The following FAF2 variants were observed in gnomAD, a reference collection of about 807,000 sequenced individuals.
FAF2 encodes Fas associated factor family member 2, also known as FAS-associated factor 2.
FAF2 carries 9 observed loss-of-function variants against 62.3 expected under a neutral mutation model. The ratio of observed to expected loss-of-function variants is 0.14; its 90% CI spans 0.09 to 0.25. The LOEUF (loss-of-function observed/expected upper bound fraction) is 0.25. Among genes scored for constraint, FAF2 ranks in the 10% least tolerant of loss-of-function variants. FAF2 has a pLI of 1.00. For missense variants in FAF2, 368 were observed against 556.2 expected (o/e 0.66, Z 3.40); for synonymous variants, 202 against 198.0 (o/e 1.02, Z -0.17).
In FAF2 at chr5:176,448,461, G is replaced by A; in HGVS notation, c.54G>A (p.Leu18=). ...DLTQEQTEKL[L]QFQDLTGIES... is the part of the protein sequence containing the mutation. ...CCCAGGAGCAGACAGAGAAGCTGCT[G>A]CAGTTTCAGGTAGCAGCGAGTACTC... The change falls in exon 1 of 11, where the codon CTG becomes CTA. Residue 18 remains leucine, a synonymous_variant. Transcript: ENST00000261942. 1 of 1,600,800 alleles carries A rather than the reference G, an allele frequency of 6.2e-7. No homozygotes were observed. The highest frequency in any genetic ancestry group is 8.5e-7 in the Non-Finnish European group (1 of 1,174,068).
chr5:176,492,147 C>T (rs1326497990), intron 4 of FAF2, 47 bp from the exon 5 acceptor site: 2 of 1,611,856 alleles, frequency 1.2e-6, no homozygotes, highest in African/African-American at 1.3e-5. Flanking sequence ...ACTCGATATG[C>T]ACTGTAGTAA....
chr5:176,506,192 C>CAAA (rs1166725144), intron 10 of FAF2, among the ~76,000 whole-genome samples: 4 of 64,782 alleles, frequency 6.2e-5, no homozygotes, highest in African/African-American at 1.4e-4. Flanking sequence ...GAGACTCTCT[C>CAAA]AAAAAAAAAA....
chr5:176,506,723 T>A, intron 10 of FAF2, 45 bp from the exon 11 acceptor site: 1 of 1,543,856 alleles, frequency 6.5e-7, no homozygotes, highest in Non-Finnish European at 8.9e-7. Context: ...GTGTGTGTAT[T>A]TCTGTTTTTC....
intron 7 of FAF2, among the ~76,000 whole-genome samples, chr5:176,495,509 AAT>A (rs976905725): frequency 4.5e-5 from 4 of 88,714 alleles, no homozygotes; most frequent in African/African-American, 1.6e-4. Context: ...TTTGGACACC[AAT>A]TTTTTTTTTT....
intron 2 of FAF2, among the ~76,000 whole-genome samples, chr5:176,481,894 T>A (rs1186568804): frequency 1.3e-5 from 2 of 152,150 alleles, no homozygotes; most frequent in Non-Finnish European, 2.9e-5. Flanking sequence ...CTTTGCTGAG[T>A]CATATGGTGA....
chr5:176,483,839 G>A (rs2113735596), intron 2 of FAF2, among the ~76,000 whole-genome samples: 1 of 152,326 alleles, frequency 6.6e-6, no homozygotes, highest in Non-Finnish European at 1.5e-5. Flanking sequence ...CCCTTTCGGA[G>A]GCCAAGGTGG....
At position 176,507,037 on chromosome 5, in the gene FAF2, A is replaced by G. The variant is rs1469684853; in HGVS notation, c.*87A>G. Reference sequence around the variant, plus strand: ...CAACAGCAAGTCAGAAAAAAAAAACAAGAGAGAGAAATTCATATTATTATT... The same window carrying G: ...CAACAGCAAGTCAGAAAAAAAAAACGAGAGAGAGAAATTCATATTATTATT... On this transcript the variant is annotated 3_prime_UTR_variant, in exon 11 of 11. Transcript: ENST00000261942. 7.2e-6 allele frequency: 6 copies of G among 837,456 alleles called. No individual in the cohort carries two copies. The highest frequency in any genetic ancestry group is 1.8e-5 in the African/African-American group (1 of 56,738). 51.9% of individuals were successfully genotyped at this position (837,456 alleles called of 1,614,324 possible). A position where few individuals can be genotyped will look rare whatever the true frequency, so the allele number is the denominator to read the frequency against.
In FAF2 at chr5:176,509,316, C is replaced by T. The variant is rs10516139; in HGVS notation, c.*2366C>T. On this transcript the variant is annotated 3_prime_UTR_variant, in exon 11 of 11. Transcript: ENST00000261942. ...CTTAATGCCAGTACAATCTGTGTTACTCCTAAGGACTTTTGGGATTTTGAT... is the reference window on the plus strand; with the variant it reads ...CTTAATGCCAGTACAATCTGTGTTATTCCTAAGGACTTTTGGGATTTTGAT... The T allele has an allele frequency of 7.2e-5, 11 of 152,108 alleles. No homozygotes were observed. The highest frequency in any genetic ancestry group is 2.4e-4 in the African/African-American group (10 of 41,408). The allele number at this position is 152,108 out of a possible 1,614,324, so 9.4% of individuals were successfully genotyped here.
chr5:176,499,137 G>C (rs1359911920), intron 9 of FAF2, 52 bp downstream of exon 9: 4 of 1,488,970 alleles, frequency 2.7e-6, no homozygotes, highest in Non-Finnish European at 3.6e-6. Context: ...CCGAGACTTT[G>C]CCATCTTGGT....
intron 1 of FAF2, among the ~76,000 whole-genome samples, chr5:176,455,528 T>A (rs1014122293): frequency 2.0e-5 from 3 of 151,618 alleles, no homozygotes; most frequent in Non-Finnish European, 4.4e-5. Flanking sequence ...GGTGGGCAGA[T>A]CACCTGAGGC....
intron 1 of FAF2, among the ~76,000 whole-genome samples, chr5:176,473,835 C>A (rs1221226427): frequency 6.6e-6 from 1 of 152,148 alleles, no homozygotes; most frequent in Non-Finnish European, 1.5e-5. Context: ...AACTCCTGGC[C>A]TCAAGCAGTC....
chr5:176,497,529 G>A (rs1166105131), intron 8 of FAF2, among the ~76,000 whole-genome samples: 2 of 151,854 alleles, frequency 1.3e-5, no homozygotes, highest in African/African-American at 2.4e-5. Context: ...TAAATATTCT[G>A]CCACATTTTA....
intron 1 of FAF2, among the ~76,000 whole-genome samples, chr5:176,452,122 A>G (rs867557857): frequency 1.3e-5 from 2 of 150,920 alleles, no homozygotes; most frequent in South Asian, 4.2e-4. Context: ...CAGTGGTGCG[A>G]TCTCGGCTCA....
chr5:176,501,485 T>A (rs1755590615), intron 10 of FAF2, among the ~76,000 whole-genome samples: 1 of 152,178 alleles, frequency 6.6e-6, no homozygotes, highest in Non-Finnish European at 1.5e-5. Context: ...TTCCCATTAG[T>A]GAACTAGAAC....
chr5:176,451,967 T>C, intron 1 of FAF2, among the ~76,000 whole-genome samples: 1 of 131,380 alleles, frequency 7.6e-6, no homozygotes. Context: ...AGTGGCGTGA[T>C]CATAGTTCAT....
intron 10 of FAF2, among the ~76,000 whole-genome samples, chr5:176,506,523 GAC>G (rs1245846167): frequency 6.6e-6 from 1 of 152,170 alleles, no homozygotes; most frequent in East Asian, 1.9e-4. Context: ...TCAAAGAAGA[GAC>G]AGATTAATTC....
intron 1 of FAF2, among the ~76,000 whole-genome samples, chr5:176,451,841 TACACAC>T (rs1262878588): frequency 0.018 from 490 of 26,750 alleles, 34 homozygotes; most frequent in Non-Finnish European, 0.028. Flanking sequence ...TATATATATA[TACACAC>T]ATATATATAC....
intron 3 of FAF2, among the ~76,000 whole-genome samples, chr5:176,487,552 A>G (rs1170037854): frequency 1.3e-5 from 2 of 152,270 alleles, no homozygotes; most frequent in East Asian, 3.9e-4. Flanking sequence ...GCAGATTCCC[A>G]TGTCAGCCAT....
chr5:176,500,848 C>CTGGGCCCCGTGCTCATGCCTG (rs1181628824), intron 10 of FAF2, among the ~76,000 whole-genome samples: 1 of 152,162 alleles, frequency 6.6e-6, no homozygotes, highest in Non-Finnish European at 1.5e-5. Flanking sequence ...ATAAGCACGG[C>CTGGGCCCCGTGCTCATGCCTG]TGGGCCCCGT....
Sources: allele counts gnomAD v4.1 joint callset (sites outside exome capture counted in the v4.1 genomes callset), GRCh38; gene constraint gnomAD v4.1.1; transcripts MANE v1.5; gene names NCBI Gene and HGNC (gene_info 2026-07-23, HGNC 2026-07-21).